Variants in THSD7B observed in about 807,000 individuals in gnomAD.
THSD7B encodes thrombospondin type-1 domain-containing protein 7B.
THSD7B carries 138 observed loss-of-function variants against 213.6 expected under a neutral mutation model. That is an observed-to-expected ratio of 0.65 (90% CI 0.56 to 0.74). THSD7B has a LOEUF of 0.74. Among genes scored for constraint, THSD7B ranks in the 30% least tolerant of loss-of-function variants. The pLI is 0.00. For missense variants in THSD7B, 1,931 were observed against 1,991.5 expected (o/e 0.97, Z 0.58); for synonymous variants, 742 against 687.0 (o/e 1.08, Z -1.25).
At chr2:137,107,693 ATTGTGCCAC>A (rs1388434738) in intron 4 of THSD7B, among the ~76,000 whole-genome samples, 1 of 152,154 alleles carries the variant, frequency 6.6e-6, no homozygotes, top group African/African-American at 2.4e-5. Flanking sequence ...ACGAGTCCCT[ATTGTGCCAC>A]TTAAAGACCT....
chr2:137,119,162 T>G (rs988991410), intron 5 of THSD7B, among the ~76,000 whole-genome samples: 1 of 152,196 alleles, frequency 6.6e-6, no homozygotes, highest in Non-Finnish European at 1.5e-5. Flanking sequence ...ATTCTGACTT[T>G]GAAGGAAATG....
intron 12 of THSD7B, among the ~76,000 whole-genome samples, chr2:137,302,925 T>C (rs375887181): frequency 7.1e-4 from 108 of 152,264 alleles, no homozygotes; most frequent in African/African-American, 2.5e-3. Context: ...ACTTCCCAAG[T>C]CAACTCAAAA....
chr2:137,576,868 T>C (rs1272631387), intron 17 of THSD7B, among the ~76,000 whole-genome samples: 1 of 150,274 alleles, frequency 6.7e-6, no homozygotes, highest in Non-Finnish European at 1.5e-5. Context: ...ATTTTATTCC[T>C]GATGACTCAG....
intron 1 of THSD7B, among the ~76,000 whole-genome samples, chr2:136,792,154 T>C (rs546041870): frequency 5.5e-4 from 84 of 152,132 alleles, no homozygotes; most frequent in African/African-American, 1.9e-3. Context: ...CAATCTAGGA[T>C]TGAAATTCCT....
chr2:136,985,316 G>A (rs12991710), intron 2 of THSD7B, among the ~76,000 whole-genome samples: 17,072 of 152,154 alleles, frequency 0.11, 1,100 homozygotes, highest in African/African-American at 0.17. Flanking sequence ...CAGAGACCTC[G>A]GAGGAGAGAA....
intron 17 of THSD7B, among the ~76,000 whole-genome samples, chr2:137,615,013 G>T (rs1330354828): frequency 1.3e-5 from 2 of 152,100 alleles, no homozygotes; most frequent in Non-Finnish European, 2.9e-5. Flanking sequence ...CATGACTTAA[G>T]AATCTATGGG....
At chr2:136,794,222 T>G (rs1682020612) in intron 1 of THSD7B, among the ~76,000 whole-genome samples, 1 of 151,750 alleles carries the variant, frequency 6.6e-6, no homozygotes, top group African/African-American at 2.4e-5. Context: ...AATTTTTATC[T>G]TACCTTTCTT....
intron 9 of THSD7B, among the ~76,000 whole-genome samples, chr2:137,234,390 A>T (rs906453808): frequency 2.0e-5 from 3 of 152,224 alleles, no homozygotes; most frequent in African/African-American, 7.2e-5. Flanking sequence ...CACTTTGGCC[A>T]TGTGTAAGGA....
At chr2:137,311,628 T>G (rs1683909350) in intron 12 of THSD7B, among the ~76,000 whole-genome samples, 1 of 152,142 alleles carries the variant, frequency 6.6e-6, no homozygotes, top group South Asian at 2.1e-4. Flanking sequence ...TTCACTATGA[T>G]GTTGGCTGTG....
intron 17 of THSD7B, among the ~76,000 whole-genome samples, chr2:137,575,725 C>CACACACAT (rs59620213): frequency 9.0e-6 from 1 of 110,814 alleles, no homozygotes; most frequent in South Asian, 4.1e-4. Flanking sequence ...CCATAACACA[C>CACACACAT]ATATATATAT....
intron 12 of THSD7B, among the ~76,000 whole-genome samples, chr2:137,305,105 G>T (rs2104852045): frequency 6.6e-6 from 1 of 152,212 alleles, no homozygotes; most frequent in African/African-American, 2.4e-5. Flanking sequence ...AGTTTTCTGA[G>T]ATCTTATGTG....
At chr2:137,136,894 A>G (rs983606193) in intron 5 of THSD7B, among the ~76,000 whole-genome samples, 7 of 152,188 alleles carry the variant, frequency 4.6e-5, no homozygotes, top group African/African-American at 7.2e-5. Flanking sequence ...ATTATTGACT[A>G]TGTATTGCCA....
intron 17 of THSD7B, among the ~76,000 whole-genome samples, chr2:137,596,706 C>T (rs545591632): frequency 6.6e-6 from 1 of 151,602 alleles, no homozygotes; most frequent in South Asian, 2.1e-4. Context: ...TTTTTCTCCT[C>T]TTCCTCCTCC....
At chr2:137,538,444 T>C (rs1364468436) in intron 15 of THSD7B, 1 of 503,436 alleles carries the variant, frequency 2.0e-6, no homozygotes, top group Non-Finnish European at 3.9e-6. Context: ...ATAATTTTCT[T>C]TCCCTTTTGC....
At chr2:136,918,764 C>T (rs982063152) in intron 2 of THSD7B, among the ~76,000 whole-genome samples, 2 of 152,182 alleles carry the variant, frequency 1.3e-5, no homozygotes, top group African/African-American at 2.4e-5. Context: ...TCCAGAAGTA[C>T]AACTTTAAAC....
At chr2:137,665,298 C>A (rs1683425362) in intron 26 of THSD7B, among the ~76,000 whole-genome samples, 1 of 152,060 alleles carries the variant, frequency 6.6e-6, no homozygotes, top group Admixed American at 6.6e-5. Context: ...AGCCCTTAAC[C>A]TTTTATCCAT....
intron 2 of THSD7B, among the ~76,000 whole-genome samples, chr2:136,984,955 T>A (rs957927264): frequency 5.9e-5 from 9 of 152,094 alleles, no homozygotes; most frequent in Admixed American, 4.6e-4. Flanking sequence ...GCCCTAGGGA[T>A]CTGTGGAAGT....
chr2:137,541,603 T>C (rs536999068), intron 15 of THSD7B, among the ~76,000 whole-genome samples: 187 of 151,822 alleles, frequency 1.2e-3, no homozygotes, highest in African/African-American at 4.2e-3. Context: ...TATTGTTAAC[T>C]ATAGTCATGC....
intron 12 of THSD7B, among the ~76,000 whole-genome samples, chr2:137,397,065 C>G (rs542254809): frequency 6.8e-6 from 1 of 146,646 alleles, no homozygotes; most frequent in African/African-American, 2.5e-5. Flanking sequence ...TGTCTCTGCA[C>G]GTGAGATGGG....
Sources: allele counts gnomAD v4.1 joint callset (sites outside exome capture counted in the v4.1 genomes callset), GRCh38; gene constraint gnomAD v4.1.1; transcripts MANE v1.5; gene names NCBI Gene and HGNC (gene_info 2026-07-23, HGNC 2026-07-21).